Variants in DPPA2 observed in about 807,000 individuals in gnomAD.
The protein encoded by DPPA2 is developmental pluripotency associated 2.
Under a neutral mutation model 36.2 loss-of-function variants are expected in DPPA2, and 26 were observed. The ratio of observed to expected loss-of-function variants is 0.72; its 90% CI spans 0.53 to 1.00. The LOEUF (loss-of-function observed/expected upper bound fraction) is 1.00, where lower values mean the gene tolerates loss of function less well. Among genes scored for constraint, DPPA2 ranks in the 50% least tolerant of loss-of-function variants. DPPA2 has a pLI of 0.00. For synonymous variants in DPPA2, 113 were observed against 123.2 expected (o/e 0.92, Z 0.55); for missense variants, 361 against 365.1 (o/e 0.99, Z 0.09).
At chr3:109,312,455 T>G (rs1051421155) in intron 3 of DPPA2, 90 bp downstream of exon 3, 10 of 1,460,850 alleles carry the variant, frequency 6.8e-6, no homozygotes, top group Non-Finnish European at 9.2e-6. Flanking sequence ...GGGTGTTGTA[T>G]AGTCAGAGGA....
In DPPA2 at chr3:109,309,547, G is replaced by A. The variant is rs938063862; in HGVS notation, c.182-217C>T. On this transcript the variant is annotated intron_variant, in intron 3 of 8. Transcript: ENST00000478945. ...CTAAAAAAATACAAAAAACTTAGCC[G>A]GGCGTGCTGGCGGGCGCCTGTAGTC... Among the ~76,000 whole-genome samples, 9 of 151,316 alleles carry A rather than the reference G, an allele frequency of 5.9e-5. No homozygotes were observed. The East Asian group carries it at 1.6e-3, about 27-fold the overall frequency.
Position 109,312,687 on chromosome 3 carries a change from G to C in DPPA2, c.39C>G (p.Phe13Leu). The change falls in exon 3 of 9, where the codon TTC becomes TTG. Residue 13 changes from phenylalanine to leucine, a missense_variant. Coordinates refer to ENST00000478945, the MANE Select transcript of DPPA2 (RefSeq NM_138815.4). The stretch of plus-strand genomic sequence containing the variant: ...CCTCATCATCTACTTCCCCCTCCAA[G>C]AAATTCTGGAAAGAGAAGTCAGTCA... ...DANLDSSKKN[F>L]LEGEVDDEES... is the part of the protein sequence containing the mutation. 1 of 1,612,842 alleles carries C rather than the reference G, an allele frequency of 6.2e-7. No homozygotes were observed. The highest frequency in any genetic ancestry group is 8.5e-7 in the Non-Finnish European group (1 of 1,179,158).
intron 8 of DPPA2, among the ~76,000 whole-genome samples, chr3:109,296,007 A>C (rs1707345601): frequency 6.6e-6 from 1 of 152,218 alleles, no homozygotes; most frequent in Non-Finnish European, 1.5e-5. Context: ...CTGAAAAGCA[A>C]AATGAAAAAT....
intron 8 of DPPA2, among the ~76,000 whole-genome samples, chr3:109,297,932 C>T (rs932850829): frequency 6.6e-6 from 1 of 152,132 alleles, no homozygotes; most frequent in Non-Finnish European, 1.5e-5. Flanking sequence ...CACAGTGAGA[C>T]CCATCTCTAC....
At chr3:109,307,604 A>C (rs1035271915) in intron 6 of DPPA2, among the ~76,000 whole-genome samples, 1 of 118,570 alleles carries the variant, frequency 8.4e-6, no homozygotes, top group African/African-American at 3.8e-5. Context: ...ACTCCATCTC[A>C]AAAAAAAAAA....
rs1707517406 is a variant in DPPA2, at chr3:109,304,642, T to C, written c.687A>G (p.Arg229=). Residue 229 remains arginine, a synonymous_variant, in exon 7 of 9, where the codon AGA becomes AGG. Coordinates refer to ENST00000478945, the MANE Select transcript of DPPA2 (RefSeq NM_138815.4). ...SGVRWCVVHG[R]LLSADTKGWV... is the part of the protein sequence containing the mutation. ...AACCCTTTGTGTCTGCCGAGAGAAG[T>C]CTGCCATGGACCACACACCACCTGA... 1.2e-6 allele frequency: 2 copies of C among 1,611,210 alleles called. No individual in the cohort carries two copies. Among genetic ancestry groups the C allele is most frequent in the African/African-American group, 1.3e-5 (1 of 74,726 alleles).
At chr3:109,296,617 G>A (rs1413082615) in intron 8 of DPPA2, among the ~76,000 whole-genome samples, 18 of 151,762 alleles carry the variant, frequency 1.2e-4, no homozygotes, top group African/African-American at 4.4e-4. Flanking sequence ...GGAGGTTGCA[G>A]AGAGCCAAGA....
In DPPA2 at chr3:109,312,597, G is replaced by T. The variant is rs147343553; in HGVS notation, c.129C>A (p.Ser43Arg). 3.1e-6 allele frequency: 5 copies of T among 1,613,732 alleles called. No homozygotes were observed. Among genetic ancestry groups the T allele is most frequent in the Non-Finnish European group, 4.2e-6 (5 of 1,179,792 alleles). ...DDANMEQMEPSVSSTSDVKLE... is the reference protein window; with the variant it reads ...DDANMEQMEPRVSSTSDVKLE... ...GTTTGACATCAGAAGTTGAAGAAAC[G>T]CTTGGTTCCATTTGTTCCATATTTG... Residue 43 changes from serine (S) to arginine (R), a missense_variant, in exon 3 of 9, where the codon AGC (serine) becomes AGA (arginine). Coordinates refer to ENST00000478945, the MANE Select transcript of DPPA2 (RefSeq NM_138815.4).
chr3:109,301,771 C>T (rs771875170), intron 7 of DPPA2, among the ~76,000 whole-genome samples: 4 of 152,010 alleles, frequency 2.6e-5, no homozygotes, highest in Non-Finnish European at 4.4e-5. Context: ...CAGAGAGAGA[C>T]GAAAAGAAAG....
chr3:109,304,725 A>G (rs1707519242), intron 6 of DPPA2, 55 bp from the exon 7 acceptor site: 1 of 1,496,172 alleles, frequency 6.7e-7, no homozygotes, highest in African/African-American at 1.4e-5. Flanking sequence ...CCCCAACACA[A>G]CCTCTCAGCA....
intron 2 of DPPA2, among the ~76,000 whole-genome samples, chr3:109,313,427 T>C (rs1395134487): frequency 6.6e-6 from 1 of 152,184 alleles, no homozygotes; most frequent in Non-Finnish European, 1.5e-5. Context: ...AGGCATTCAA[T>C]GTTGTTTTTA....
chr3:109,298,889 A>T lies in DPPA2; in HGVS notation c.*22+1482T>A, dbSNP rs187043573. Among the ~76,000 whole-genome samples the T allele has an allele frequency of 5.5e-3, 833 of 151,672 alleles. 6 individuals carry two copies. The highest frequency in any genetic ancestry group is 0.017 in the African/African-American group (700 of 41,390). On this transcript the variant is annotated intron_variant, in intron 8 of 8. Transcript: ENST00000478945. ...TGAAACCCGTCCTCTACCAAAAATT[A>T]AAAAAAATTAGCTGGGCATTATGGT...
intron 8 of DPPA2, among the ~76,000 whole-genome samples, chr3:109,299,686 CAA>C (rs755862175): frequency 2.4e-4 from 12 of 50,366 alleles, no homozygotes; most frequent in Admixed American, 7.2e-4. Flanking sequence ...GACCCCGTCT[CAA>C]AAAAAAAAAA....
rs200993272 is a variant in DPPA2 at position 109,309,062 on chromosome 3, C to G, written c.360G>C (p.Leu120=). 6.2e-7 allele frequency: 1 copy of G among 1,614,126 alleles called. No homozygotes were observed. Residue 120 remains leucine (L), a synonymous_variant, in exon 5 of 9, where the codon CTG becomes CTC. Coordinates refer to ENST00000478945, the MANE Select transcript of DPPA2 (RefSeq NM_138815.4). ...STNGKKIEVY[L]RLHRHAYPEQ... ...CAGGGTAAGCATGCCTATGAAGCCT[C>G]AGATAAACTTCGATTTTCTTAGGAA... is the stretch of plus-strand genomic sequence containing the variant.
At chr3:109,308,615 G>A (rs1269739606) in intron 5 of DPPA2, among the ~76,000 whole-genome samples, 1 of 152,200 alleles carries the variant, frequency 6.6e-6, no homozygotes. Flanking sequence ...ACCCGCCTCG[G>A]CCTCCCAAAG....
Position 109,308,074 on chromosome 3 carries a change from A to G in DPPA2, c.616T>C (p.Ser206Pro), listed in dbSNP as rs1270078900. 4 of 1,614,130 alleles carry G rather than the reference A, an allele frequency of 2.5e-6. No homozygotes were observed. The highest frequency in any genetic ancestry group is 2.7e-5 in the African/African-American group (2 of 74,948). Reference protein sequence around the residue: ...AVQPKALNSCSIPVSVEAFLM... With the variant: ...AVQPKALNSCPIPVSVEAFLM... ...AAGGCCTCAACAGAAACAGGAATGG[A>G]ACATGAATTCAAAGCCTTAGGCTGA... The change falls in exon 6 of 9, where the codon TCC (serine) becomes CCC (proline). Residue 206 changes from serine to proline, a missense_variant. Coordinates refer to ENST00000478945, the MANE Select transcript of DPPA2 (RefSeq NM_138815.4).
intron 5 of DPPA2, among the ~76,000 whole-genome samples, chr3:109,308,749 C>A (rs1707630899): frequency 6.6e-6 from 1 of 152,100 alleles, no homozygotes. Flanking sequence ...TGTAAATTCT[C>A]CACTGGGAGA....
At chr3:109,299,457 C>A (rs988059789) in intron 8 of DPPA2, among the ~76,000 whole-genome samples, 1 of 151,896 alleles carries the variant, frequency 6.6e-6, no homozygotes, top group Non-Finnish European at 1.5e-5. Context: ...GCGGAGGTTG[C>A]AGTGAGCTGA....
At chr3:109,296,630 G>A (rs1003768219) in intron 8 of DPPA2, among the ~76,000 whole-genome samples, 7 of 151,742 alleles carry the variant, frequency 4.6e-5, no homozygotes, top group Admixed American at 2.6e-4. Flanking sequence ...AGCCAAGATC[G>A]CGCCATTGCG....
Sources: gnomAD v4.1 joint callset for allele counts (sites outside exome capture counted in the v4.1 genomes callset) on GRCh38, gnomAD v4.1.1 for gene constraint, MANE v1.5 for transcripts, NCBI Gene and HGNC (gene_info 2026-07-23, HGNC 2026-07-21) for gene names.